CYFIP1: variants seen among roughly 807,000 people sequenced by gnomAD.
CYFIP1 encodes the protein cytoplasmic FMR1-interacting protein 1.
A neutral mutation model predicts 163.5 loss-of-function variants in CYFIP1; 58 were observed. The ratio of observed to expected loss-of-function variants is 0.35; its 90% CI spans 0.29 to 0.44. The LOEUF is 0.44. CYFIP1 is among the 20% of genes least tolerant of loss of function. CYFIP1 has a pLI of 1.00. For synonymous variants in CYFIP1, 663 were observed against 660.7 expected, an observed-to-expected ratio of 1.00 and a Z score of -0.05; for missense variants, 1,338 against 1,653.8, an observed-to-expected ratio of 0.81 and a Z score of 3.31.
At chr15:22,934,592 G>A (rs2061653929) in intron 9 of CYFIP1, among the ~76,000 whole-genome samples, 1 of 139,792 alleles carries the variant, frequency 7.2e-6, no homozygotes, top group African/African-American at 2.7e-5. Context: ...CTACCTCCAG[G>A]GTTCAAGAGA....
intron 23 of CYFIP1, among the ~76,000 whole-genome samples, chr15:22,888,477 A>G (rs1248083681): frequency 6.6e-6 from 1 of 152,190 alleles, no homozygotes; most frequent in Non-Finnish European, 1.5e-5. Context: ...TCACGGCTAC[A>G]TCCCAGCACT....
intron 13 of CYFIP1, among the ~76,000 whole-genome samples, chr15:22,925,152 TCTC>T (rs61062789): frequency 0.18 from 27,340 of 152,118 alleles, 2,614 homozygotes; most frequent in Middle Eastern, 0.25. Flanking sequence ...TTCTGTCAAT[TCTC>T]CTGTCATGAT....
In CYFIP1 at chr15:22,952,421, C is replaced by T. The variant is rs73428753; in HGVS notation, c.-6-5130G>A. Among the ~76,000 whole-genome samples the T allele has an allele frequency of 3.9e-3, 598 of 151,868 alleles. 2 individuals are homozygous for T. Among genetic ancestry groups the T allele is most frequent in the African/African-American group, 0.014 (569 of 41,420 alleles). ...CTATAATCCTGGCACTTCAGGAGGC[C>T]GAGGCGGGCGAATCACGAGGTCAGG... is the stretch of plus-strand genomic sequence containing the variant. On this transcript the variant is annotated intron_variant, in intron 1 of 30. Coordinates refer to ENST00000617928, the MANE Select transcript of CYFIP1 (RefSeq NM_014608.6).
intron 1 of CYFIP1, among the ~76,000 whole-genome samples, chr15:22,965,936 C>T (rs908222700): frequency 1.3e-5 from 2 of 152,140 alleles, no homozygotes; most frequent in African/African-American, 2.4e-5. Context: ...TCTCAAAATT[C>T]GTGTGTTGAA....
At chr15:22,960,817 T>C (rs2062652523) in intron 1 of CYFIP1, among the ~76,000 whole-genome samples, 1 of 152,118 alleles carries the variant, frequency 6.6e-6, no homozygotes, top group African/African-American at 2.4e-5. Flanking sequence ...TAGCAGCACA[T>C]CCCAGGAGGT....
intron 1 of CYFIP1, among the ~76,000 whole-genome samples, chr15:22,954,329 A>G (rs564381874): frequency 6.6e-6 from 1 of 152,352 alleles, no homozygotes; most frequent in East Asian, 1.9e-4. Context: ...TGTTAATGGT[A>G]GCCCTGGCAA....
chr15:22,935,793 TA>T (rs1379883350), intron 9 of CYFIP1, among the ~76,000 whole-genome samples: 5 of 151,722 alleles, frequency 3.3e-5, no homozygotes, highest in African/African-American at 1.2e-4. Context: ...CATCACAAAA[TA>T]AAAAAAATGG....
chr15:22,880,156 A>G (rs1321936673), intron 25 of CYFIP1, 113 bp from the exon 26 acceptor site: 18 of 1,421,378 alleles, frequency 1.3e-5, no homozygotes, highest in Admixed American at 5.1e-5. Flanking sequence ...AAGCCTGGCT[A>G]TAAGGACAGC....
At chr15:22,876,292 A>G (rs911115515) in intron 26 of CYFIP1, among the ~76,000 whole-genome samples, 4 of 152,050 alleles carry the variant, frequency 2.6e-5, no homozygotes, top group African/African-American at 7.2e-5. Context: ...ACGTCAATCC[A>G]GTGCCAGACG....
intron 13 of CYFIP1, among the ~76,000 whole-genome samples, chr15:22,921,784 A>AAC (rs1555409979): frequency 7.0e-6 from 1 of 142,210 alleles, no homozygotes; most frequent in African/African-American, 2.6e-5. Flanking sequence ...AAAAAAAAAA[A>AAC]AGAAGCACGA....
At chr15:22,894,550 G>A (rs1171697315) in intron 22 of CYFIP1, among the ~76,000 whole-genome samples, 7 of 151,258 alleles carry the variant, frequency 4.6e-5, no homozygotes, top group Non-Finnish European at 1.0e-4. Flanking sequence ...TTGGCCTCCC[G>A]AAGTGCTGGG....
At chr15:22,967,570 C>T (rs954017040) in intron 1 of CYFIP1, among the ~76,000 whole-genome samples, 3 of 152,024 alleles carry the variant, frequency 2.0e-5, no homozygotes, top group African/African-American at 7.2e-5. Context: ...CACCACAGCC[C>T]GCAGCTACAA....
intron 28 of CYFIP1, 30 bp downstream of exon 28, chr15:22,874,520 A>G: frequency 6.6e-7 from 1 of 1,522,406 alleles, no homozygotes; most frequent in Middle Eastern, 1.7e-4. Flanking sequence ...CCCAGCTTGC[A>G]ACAGCCACAG....
intron 22 of CYFIP1, among the ~76,000 whole-genome samples, chr15:22,902,610 G>A (rs1329805025): frequency 6.6e-6 from 1 of 152,196 alleles, no homozygotes; most frequent in Non-Finnish European, 1.5e-5. Flanking sequence ...ACACCATAAA[G>A]GTGAGTTAAA....
rs141456080 is a variant in CYFIP1 at position 22,886,939 on chromosome 15, C to T, written c.2677-3928G>A. 8.3e-4 allele frequency among the ~76,000 whole-genome samples: 127 copies of T among 152,326 alleles called. 2 individuals are homozygous for T. In the East Asian group the frequency reaches 0.019, roughly 23 times the overall value. On this transcript the variant is annotated intron_variant, in intron 23 of 30. Transcript: ENST00000617928. ...TTCTCCTTTACTTCTATTAGTCTTTCCTTCAAGTACAGAAGCCTTGTTGTT... is the reference window on the plus strand; with the variant it reads ...TTCTCCTTTACTTCTATTAGTCTTTTCTTCAAGTACAGAAGCCTTGTTGTT...
At chr15:22,906,011 A>C (rs191700351) in intron 21 of CYFIP1, among the ~76,000 whole-genome samples, 11 of 151,888 alleles carry the variant, frequency 7.2e-5, no homozygotes, top group Admixed American at 5.2e-4. Context: ...TGCCTGCCTC[A>C]GTCTCCCAAA....
intron 14 of CYFIP1, 48 bp downstream of exon 14, chr15:22,918,644 T>C (rs888151219): frequency 2.7e-6 from 4 of 1,479,778 alleles, no homozygotes. Flanking sequence ...TCCAAGTTCA[T>C]CCGAGGACGT....
intron 14 of CYFIP1, 129 bp from the exon 15 acceptor site, chr15:22,918,064 G>T: frequency 9.4e-7 from 1 of 1,061,552 alleles, no homozygotes; most frequent in Non-Finnish European, 1.4e-6. Context: ...TACTCTGGGG[G>T]CCATGGAGGG....
intron 6 of CYFIP1, 49 bp from the exon 7 acceptor site, chr15:22,939,556 TTAAAAAA>T (rs1173865306): frequency 1.6e-4 from 66 of 410,714 alleles, no homozygotes; most frequent in Admixed American, 2.1e-4. Flanking sequence ...CGTGCCACAT[TTAAAAAA>T]AAAAAAAAAA....
Sources: gnomAD v4.1 joint callset for allele counts (sites outside exome capture counted in the v4.1 genomes callset) on GRCh38, gnomAD v4.1.1 for gene constraint, MANE v1.5 for transcripts, NCBI Gene and HGNC (gene_info 2026-07-23, HGNC 2026-07-21) for gene names.